Variants in KPNA3 observed in about 807,000 individuals in gnomAD.
The protein encoded by KPNA3 is importin subunit alpha-4.
A neutral mutation model predicts 73.8 loss-of-function variants in KPNA3; 13 were observed. The ratio of observed to expected loss-of-function variants is 0.18; its 90% confidence interval spans 0.11 to 0.28. KPNA3 has a LOEUF of 0.28. KPNA3 is among the 10% of genes least tolerant of loss of function. KPNA3 has a pLI of 1.00. For synonymous variants in KPNA3, 186 were observed against 206.9 expected, an observed-to-expected ratio of 0.90 and a Z score of 0.87; for missense variants, 360 against 618.1, an observed-to-expected ratio of 0.58 and a Z score of 4.43.
Position 49,732,774 on chromosome 13 carries a change from T to C in KPNA3, c.207A>G (p.Gln69=), listed in dbSNP as rs1192793634. The C allele has an allele frequency of 6.4e-6, 10 of 1,569,942 alleles. No individual in the cohort carries two copies. The highest frequency in any genetic ancestry group is 1.8e-5 in the Admixed American group (1 of 55,700). The change falls in exon 4 of 17, where the codon CAA becomes CAG. Residue 69 remains glutamine (Q), a splice_region_variant and synonymous_variant. Transcript: ENST00000261667. ...GCAATATAGCTTCTAGGGTTACATTTTGCTTAAAAAGAAAAAAAAAATAGT... is the reference window on the plus strand; with the variant it reads ...GCAATATAGCTTCTAGGGTTACATTCTGCTTAAAAAGAAAAAAAAAATAGT... ...DSDVDADFKA[Q]NVTLEAILQN...
Position 49,761,895 on chromosome 13 carries a change from C to T in KPNA3, c.70-14902G>A, listed in dbSNP as rs1236294547. Among the ~76,000 whole-genome samples, 22 of 151,982 alleles carry T rather than the reference C, an allele frequency of 1.4e-4. 3 individuals are homozygous for T. The South Asian group carries it at 1.7e-3, about 11-fold the overall frequency. On this transcript the variant is annotated intron_variant, in intron 1 of 16. Coordinates refer to ENST00000261667, the MANE Select transcript of KPNA3 (RefSeq NM_002267.4). The stretch of plus-strand genomic sequence containing the variant: ...GAGCGCCTCTGCCCAGCCACGACTC[C>T]GTCTGTGAGGTGAGGAGCGTCTCTG...
intron 1 of KPNA3, among the ~76,000 whole-genome samples, chr13:49,781,702 A>G (rs1954941885): frequency 6.6e-6 from 1 of 152,146 alleles, no homozygotes; most frequent in Non-Finnish European, 1.5e-5. Flanking sequence ...AAACTGTTTC[A>G]ATTAGAGCAA....
rs1264469764 is a variant in KPNA3, at chr13:49,728,093, G to C, written c.384-2592C>G. ...TATTAAAAATACAAAAAGTCAGCCG[G>C]GCGTGGTGGCAGGCACCTGTAGACC... On this transcript the variant is annotated intron_variant, in intron 6 of 16. Coordinates refer to ENST00000261667, the MANE Select transcript of KPNA3 (RefSeq NM_002267.4). Among the ~76,000 whole-genome samples, 3 of 152,022 alleles carry C rather than the reference G, an allele frequency of 2.0e-5. No homozygotes were observed. The East Asian group carries it at 5.8e-4, about 29-fold the overall frequency.
At chr13:49,763,063 G>C (rs1566355527) in intron 1 of KPNA3, among the ~76,000 whole-genome samples, 1 of 152,024 alleles carries the variant, frequency 6.6e-6, no homozygotes, top group African/African-American at 2.4e-5. Context: ...CCTGATGCCA[G>C]GTTGGAGAGT....
intron 2 of KPNA3, among the ~76,000 whole-genome samples, chr13:49,735,792 G>C (rs1234951678): frequency 1.3e-5 from 2 of 152,038 alleles, no homozygotes; most frequent in African/African-American, 2.4e-5. Context: ...TTTTTTACTA[G>C]GTTGAACCAC....
chr13:49,760,743 C>T (rs1242105841), intron 1 of KPNA3, among the ~76,000 whole-genome samples: 3 of 152,134 alleles, frequency 2.0e-5, no homozygotes, highest in Non-Finnish European at 4.4e-5. Context: ...AATGACTGGG[C>T]TGTCCCAGTG....
chr13:49,784,575 T>G (rs892018496), intron 1 of KPNA3, among the ~76,000 whole-genome samples: 1 of 152,202 alleles, frequency 6.6e-6, no homozygotes, highest in Non-Finnish European at 1.5e-5. Context: ...TACAATAGAA[T>G]GTTACTTAGC....
chr13:49,769,283 G>T (rs1034035948), intron 1 of KPNA3, among the ~76,000 whole-genome samples: 1 of 152,046 alleles, frequency 6.6e-6, no homozygotes, highest in Admixed American at 6.6e-5. Flanking sequence ...TTTAGTAGCA[G>T]CTTTATTCAG....
chr13:49,735,168 G>A (rs1484602387), intron 2 of KPNA3, among the ~76,000 whole-genome samples: 1 of 152,074 alleles, frequency 6.6e-6, no homozygotes, highest in African/African-American at 2.4e-5. Flanking sequence ...TGTTGCCCAG[G>A]CTGCAGTGCA....
In KPNA3 at chr13:49,722,604, TGAA is replaced by T. The variant is rs779154304; in HGVS notation, c.470-44_470-42del. The T allele has an allele frequency of 6.3e-6, 8 of 1,267,906 alleles. No homozygotes were observed. In the Admixed American group the frequency reaches 1.5e-4, roughly 24 times the overall value. The allele number at this position is 1,267,906 out of a possible 1,614,324, so 78.5% of individuals were successfully genotyped here. On this transcript the variant is annotated intron_variant, in intron 7 of 16. Coordinates refer to ENST00000261667, the MANE Select transcript of KPNA3 (RefSeq NM_002267.4). ...ACTAATATTTATACTAGCAACATGT[TGAA>T]GAGTTTACAGATTTCAGATCAAAGA... is the stretch of plus-strand genomic sequence containing the variant.
chr13:49,701,511 A>C lies in KPNA3; in HGVS notation c.*289T>G, dbSNP rs1446636901. On this transcript the variant is annotated 3_prime_UTR_variant, in exon 17 of 17. Coordinates refer to ENST00000261667, the MANE Select transcript of KPNA3 (RefSeq NM_002267.4). ...CTATGGAATATTTATTCTAAACTGGAGACTGCAGTTGTCAGCCTGTGGCAC... is the reference window on the plus strand; with the variant it reads ...CTATGGAATATTTATTCTAAACTGGCGACTGCAGTTGTCAGCCTGTGGCAC... 2 of 517,980 alleles carry C rather than the reference A, an allele frequency of 3.9e-6. No homozygotes were observed. Among genetic ancestry groups the C allele is most frequent in the South Asian group, 1.5e-5 (1 of 65,054 alleles). The allele number at this position is 517,980 out of a possible 1,614,324, so 32.1% of individuals were successfully genotyped here.
chr13:49,770,396 G>A (rs181550692), intron 1 of KPNA3, among the ~76,000 whole-genome samples: 21 of 151,990 alleles, frequency 1.4e-4, no homozygotes, highest in Non-Finnish European at 2.2e-4. Context: ...GGCTGGTCTC[G>A]AAATCCTAGG....
intron 10 of KPNA3, among the ~76,000 whole-genome samples, chr13:49,716,855 C>G (rs1954308720): frequency 6.6e-6 from 1 of 152,150 alleles, no homozygotes; most frequent in Admixed American, 6.5e-5. Flanking sequence ...ACAGCCTCCT[C>G]CAGGTGATCT....
In KPNA3 at chr13:49,701,540, G is replaced by A; in HGVS notation, c.*260C>T. Reference sequence around the variant, plus strand: ...TGCAGTTGTCAGCCTGTGGCACCAGGGAACAGGGAAAAATAGGGTAGTTGA... The same window carrying A: ...TGCAGTTGTCAGCCTGTGGCACCAGAGAACAGGGAAAAATAGGGTAGTTGA... On this transcript the variant is annotated 3_prime_UTR_variant, in exon 17 of 17. Coordinates refer to ENST00000261667, the MANE Select transcript of KPNA3 (RefSeq NM_002267.4). 1 of 559,566 alleles carries A rather than the reference G, an allele frequency of 1.8e-6. No homozygotes were observed. The highest frequency in any genetic ancestry group is 3.5e-6 in the Non-Finnish European group (1 of 284,644). The allele number at this position is 559,566 out of a possible 1,614,324, so 34.7% of individuals were successfully genotyped here. A position where few individuals can be genotyped will look rare whatever the true frequency, so the allele number is the denominator to read the frequency against.
intron 6 of KPNA3, among the ~76,000 whole-genome samples, chr13:49,732,037 A>G (rs1270275499): frequency 6.6e-6 from 1 of 152,232 alleles, no homozygotes; most frequent in Non-Finnish European, 1.5e-5. Flanking sequence ...ATATAGGCTC[A>G]TAAGCAAAGA....
intron 1 of KPNA3, among the ~76,000 whole-genome samples, chr13:49,779,514 C>T (rs1338252875): frequency 6.6e-6 from 1 of 152,142 alleles, no homozygotes; most frequent in East Asian, 1.9e-4. Context: ...ATTTCTTATT[C>T]CCTTCCCCAA....
At chr13:49,715,981 A>G (rs1007553470) in intron 10 of KPNA3, among the ~76,000 whole-genome samples, 6 of 150,670 alleles carry the variant, frequency 4.0e-5, no homozygotes, top group African/African-American at 1.2e-4. Context: ...TCTCCATTAC[A>G]TGGTCACTAC....
chr13:49,729,597 T>C (rs970340847), intron 6 of KPNA3, among the ~76,000 whole-genome samples: 2 of 152,016 alleles, frequency 1.3e-5, no homozygotes, highest in Admixed American at 1.3e-4. Flanking sequence ...ATCCTGTGAA[T>C]GGTGAAACCC....
chr13:49,744,029 A>C (rs937168551), intron 2 of KPNA3, among the ~76,000 whole-genome samples: 5 of 152,222 alleles, frequency 3.3e-5, no homozygotes, highest in Admixed American at 3.3e-4. Context: ...AATATGCAAA[A>C]TAATCTGTTA....
Sources: gnomAD v4.1 joint callset for allele counts (sites outside exome capture counted in the v4.1 genomes callset) on GRCh38, gnomAD v4.1.1 for gene constraint, MANE v1.5 for transcripts, NCBI Gene and HGNC (gene_info 2026-07-23, HGNC 2026-07-21) for gene names.